CNTNAP5: variants seen among roughly 807,000 people sequenced by gnomAD.
CNTNAP5 encodes contactin-associated protein-like 5.
In CNTNAP5, 72 loss-of-function variants were observed where a neutral mutation model predicts 150.2. The observed-to-expected ratio is 0.48, with a 90% CI of 0.40 to 0.58. The LOEUF is 0.58. Ranked by LOEUF, CNTNAP5 falls within the 20% of genes least tolerant of loss-of-function variation. CNTNAP5 has a pLI of 0.00. For synonymous variants in CNTNAP5, 672 were observed against 619.8 expected (o/e 1.08, Z -1.25); for missense variants, 1,636 against 1,626.2 (o/e 1.01, Z -0.10).
chr2:124,553,553 T>A (rs1218143502), intron 10 of CNTNAP5, among the ~76,000 whole-genome samples: 1 of 150,270 alleles, frequency 6.7e-6, no homozygotes, highest in African/African-American at 2.5e-5. Flanking sequence ...AAAGGATTGA[T>A]TATGCAGTCT....
At chr2:124,862,570 A>C (rs1019808514) in intron 19 of CNTNAP5, among the ~76,000 whole-genome samples, 6 of 152,196 alleles carry the variant, frequency 3.9e-5, no homozygotes, top group African/African-American at 1.4e-4. Flanking sequence ...GATTCTCCAG[A>C]GACAAATAGA....
At chr2:124,151,279 G>C (rs1684400226) in intron 1 of CNTNAP5, among the ~76,000 whole-genome samples, 1 of 152,128 alleles carries the variant, frequency 6.6e-6, no homozygotes, top group Admixed American at 6.5e-5. Context: ...GCCCTGAGAG[G>C]TTTCTAAACA....
intron 19 of CNTNAP5, among the ~76,000 whole-genome samples, chr2:124,860,425 TTCCTTCC>T (rs1677490555): frequency 7.1e-6 from 1 of 141,070 alleles, no homozygotes; most frequent in African/African-American, 2.8e-5. Context: ...CCTTCCTTCC[TTCCTTCC>T]TTCCTTCCTT....
At chr2:124,055,344 GTCC>G (rs764079392) in intron 1 of CNTNAP5, among the ~76,000 whole-genome samples, 16 of 152,130 alleles carry the variant, frequency 1.1e-4, no homozygotes, top group Non-Finnish European at 1.9e-4. Context: ...AAGGATCCCT[GTCC>G]TCCTCCTCAT....
At chr2:124,867,678 C>T (rs1677661087) in intron 20 of CNTNAP5, among the ~76,000 whole-genome samples, 1 of 132,516 alleles carries the variant, frequency 7.5e-6, no homozygotes, top group South Asian at 2.3e-4. Context: ...CTCAGAACGC[C>T]CAAGGACTCC....
At chr2:124,656,076 A>AT (rs1275728920) in intron 13 of CNTNAP5, among the ~76,000 whole-genome samples, 9 of 145,630 alleles carry the variant, frequency 6.2e-5, no homozygotes, top group Non-Finnish European at 1.1e-4. Context: ...AAAAAAAAAA[A>AT]GAAAAAGTCA....
In CNTNAP5 at chr2:124,656,062, A is replaced by C. The variant is rs554598182; in HGVS notation, c.2077+8104A>C. ...GGTGACAGAATAAGACTTTATCTCA[A>C]AAAAAAAAAAAAAAGAAAAAGTCAC... is the stretch of plus-strand genomic sequence containing the variant. On this transcript the variant is annotated intron_variant, in intron 13 of 23. Coordinates refer to ENST00000682447, the MANE Select transcript of CNTNAP5 (RefSeq NM_001367498.1). Among the ~76,000 whole-genome samples the C allele has an allele frequency of 4.0e-4, 13 of 32,850 alleles. No homozygotes were observed. In the South Asian group the frequency reaches 9.4e-3, roughly 24 times the overall value. 21.6% of individuals were successfully genotyped at this position (32,850 alleles called of 152,430 possible).
Position 124,493,120 on chromosome 2 carries a change from G to A in CNTNAP5, c.1063-11172G>A, listed in dbSNP as rs1242766054. Among the ~76,000 whole-genome samples, 9 of 151,956 alleles carry A rather than the reference G, an allele frequency of 5.9e-5. No individual in the cohort carries two copies. The East Asian group carries it at 1.5e-3, about 26-fold the overall frequency. On this transcript the variant is annotated intron_variant, in intron 7 of 23. Transcript: ENST00000682447. Reference sequence around the variant, plus strand: ...GGTTTGTCTTATATGGTCTTATATAGCCTTTACTATGTTGAGATACATTCC... The same window carrying A: ...GGTTTGTCTTATATGGTCTTATATAACCTTTACTATGTTGAGATACATTCC...
chr2:124,084,924 G>GTTTTGTTTTT (rs1553435818), intron 1 of CNTNAP5, among the ~76,000 whole-genome samples: 1 of 89,980 alleles, frequency 1.1e-5, no homozygotes, highest in Non-Finnish European at 2.0e-5. Flanking sequence ...CAAGTTTCCT[G>GTTTTGTTTTT]TTTTTTTTTT....
intron 21 of CNTNAP5, among the ~76,000 whole-genome samples, chr2:124,880,210 T>C (rs1677938840): frequency 6.6e-6 from 1 of 152,192 alleles, no homozygotes. Context: ...TTTCTAAGAA[T>C]GATTTGACCT....
At chr2:124,810,616 C>G (rs1682194726) in intron 19 of CNTNAP5, among the ~76,000 whole-genome samples, 1 of 152,106 alleles carries the variant, frequency 6.6e-6, no homozygotes, top group African/African-American at 2.4e-5. Flanking sequence ...TTGCCTGTCA[C>G]AACGTGGTTC....
intron 13 of CNTNAP5, among the ~76,000 whole-genome samples, chr2:124,688,828 A>C (rs1679245061): frequency 6.6e-6 from 1 of 152,142 alleles, no homozygotes; most frequent in Admixed American, 6.6e-5. Flanking sequence ...TGGGTGCCTC[A>C]TGCGGACAAG....
chr2:124,320,617 G>A (rs540484604), intron 3 of CNTNAP5, among the ~76,000 whole-genome samples: 1 of 151,746 alleles, frequency 6.6e-6, no homozygotes, highest in South Asian at 2.1e-4. Flanking sequence ...CAAGCTTTCT[G>A]TGCACCAAAA....
intron 3 of CNTNAP5, among the ~76,000 whole-genome samples, chr2:124,261,666 C>A (rs1687459806): frequency 6.6e-6 from 1 of 152,120 alleles, no homozygotes; most frequent in South Asian, 2.1e-4. Context: ...GCAGTGTTTG[C>A]CTTGTAACCA....
chr2:124,132,708 A>C (rs1408582819), intron 1 of CNTNAP5, among the ~76,000 whole-genome samples: 1 of 152,214 alleles, frequency 6.6e-6, no homozygotes, highest in Non-Finnish European at 1.5e-5. Flanking sequence ...TTAAGCACTC[A>C]GCTAAGAATC....
chr2:124,646,985 A>C (rs187476665), intron 12 of CNTNAP5, among the ~76,000 whole-genome samples: 26 of 152,184 alleles, frequency 1.7e-4, no homozygotes, highest in Admixed American at 1.6e-3. Context: ...TAAAAATAAA[A>C]ATTTTTTTAA....
intron 11 of CNTNAP5, among the ~76,000 whole-genome samples, chr2:124,589,143 T>C (rs903349803): frequency 6.6e-6 from 1 of 152,140 alleles, no homozygotes; most frequent in African/African-American, 2.4e-5. Flanking sequence ...TTGTAGAACA[T>C]TTCGATGCCC....
intron 3 of CNTNAP5, among the ~76,000 whole-genome samples, chr2:124,399,021 AC>A (rs1691337191): frequency 6.6e-6 from 1 of 152,180 alleles, no homozygotes; most frequent in Non-Finnish European, 1.5e-5. Context: ...TTACCAGACA[AC>A]TTGGCAAGAG....
intron 3 of CNTNAP5, among the ~76,000 whole-genome samples, chr2:124,327,866 AC>A (rs938222483): frequency 9.8e-5 from 15 of 152,300 alleles, no homozygotes; most frequent in African/African-American, 3.6e-4. Context: ...AACTCTTCAG[AC>A]TGTGTTAAGG....
Sources: allele counts gnomAD v4.1 joint callset (sites outside exome capture counted in the v4.1 genomes callset), GRCh38; gene constraint gnomAD v4.1.1; transcripts MANE v1.5; gene names NCBI Gene and HGNC (gene_info 2026-07-23, HGNC 2026-07-21).